Variants in PDE2A observed in about 807,000 individuals in gnomAD.
The protein encoded by PDE2A is cGMP-dependent 3',5'-cyclic phosphodiesterase.
In PDE2A, 53 loss-of-function variants were observed where a neutral mutation model predicts 133.6. The ratio of observed to expected loss-of-function variants is 0.40; its 90% CI spans 0.32 to 0.50. The LOEUF (loss-of-function observed/expected upper bound fraction) is 0.50, where lower values mean the gene tolerates loss of function less well. PDE2A is among the 20% of genes least tolerant of loss of function. The probability of loss-of-function intolerance (pLI) is 0.73; values close to 1 mark genes in which losing one functional copy is unlikely to be tolerated. For missense variants in PDE2A, 796 were observed against 1,232.4 expected (o/e 0.65, Z 5.30); for synonymous variants, 491 against 490.2 (o/e 1.00, Z -0.02).
In PDE2A at chr11:72,577,054, G is replaced by T. The variant is rs2135262463; in HGVS notation, c.*330C>A. Reference sequence around the variant, plus strand: ...GCAAAGATCTGGTGGGGCAGAAATGGGGCAAGGAGAAACCATCAAGCTGCT... The same window carrying T: ...GCAAAGATCTGGTGGGGCAGAAATGTGGCAAGGAGAAACCATCAAGCTGCT... On this transcript the variant is annotated 3_prime_UTR_variant, in exon 31 of 31. Coordinates refer to ENST00000334456, the MANE Select transcript of PDE2A (RefSeq NM_002599.5). 1 of 270,984 alleles carries T rather than the reference G, an allele frequency of 3.7e-6. No homozygotes were observed. The highest frequency in any genetic ancestry group is 7.0e-6 in the Non-Finnish European group (1 of 142,412). The allele number at this position is 270,984 out of a possible 1,614,324, so 16.8% of individuals were successfully genotyped here. A position where few individuals can be genotyped will look rare whatever the true frequency, so the allele number is the denominator to read the frequency against.
chr11:72,598,593 G>A, intron 4 of PDE2A: 1 of 1,289,052 alleles, frequency 7.8e-7, no homozygotes, highest in Non-Finnish European at 1.0e-6. Context: ...AATTGTGCTT[G>A]TAGGAACTGC....
At chr11:72,586,899 C>T (rs192550574) in intron 13 of PDE2A, among the ~76,000 whole-genome samples, 10 of 152,310 alleles carry the variant, frequency 6.6e-5, no homozygotes, top group African/African-American at 1.9e-4. Flanking sequence ...TTCATGCTTG[C>T]CATCCAGTGA....
chr11:72,622,698 G>A (rs1857840633), intron 2 of PDE2A, among the ~76,000 whole-genome samples: 2 of 152,216 alleles, frequency 1.3e-5, no homozygotes, highest in Non-Finnish European at 2.9e-5. Context: ...TGGAGACAGA[G>A]GAGGATGGGG....
intron 27 of PDE2A, 53 bp downstream of exon 27, chr11:72,579,231 C>A (rs566644153): frequency 1.4e-6 from 2 of 1,381,516 alleles, no homozygotes; most frequent in South Asian, 2.3e-5. Flanking sequence ...CTGGCAAATC[C>A]TTCCCCTGGT....
intron 11 of PDE2A, among the ~76,000 whole-genome samples, chr11:72,589,514 A>G (rs891478702): frequency 6.6e-6 from 1 of 152,230 alleles, no homozygotes; most frequent in Non-Finnish European, 1.5e-5. Context: ...ATACTCCAAC[A>G]GAAGTGAACA....
At chr11:72,614,838 G>A (rs1369477998) in intron 2 of PDE2A, among the ~76,000 whole-genome samples, 1 of 152,142 alleles carries the variant, frequency 6.6e-6, no homozygotes, top group Non-Finnish European at 1.5e-5. Context: ...AGAGGCTGGG[G>A]GTGGAAGGAC....
intron 1 of PDE2A, among the ~76,000 whole-genome samples, chr11:72,653,886 C>T (rs926586189): frequency 1.3e-5 from 2 of 152,224 alleles, no homozygotes; most frequent in Admixed American, 1.3e-4. Context: ...CTCAAGGGGA[C>T]AGGTCTTGCC....
At chr11:72,592,011 T>C (rs1370891715) in intron 6 of PDE2A, among the ~76,000 whole-genome samples, 1 of 152,164 alleles carries the variant, frequency 6.6e-6, no homozygotes, top group Non-Finnish European at 1.5e-5. Flanking sequence ...TCCCGTTCTC[T>C]GCCCACACCT....
At chr11:72,626,826 A>G (rs1024209532) in intron 2 of PDE2A, among the ~76,000 whole-genome samples, 1 of 152,120 alleles carries the variant, frequency 6.6e-6, no homozygotes, top group Non-Finnish European at 1.5e-5. Context: ...TCAGCCCAGC[A>G]CTCATGGGCA....
intron 1 of PDE2A, chr11:72,649,363 C>T (rs1854657915): frequency 6.6e-6 from 1 of 152,284 alleles, no homozygotes; most frequent in Non-Finnish European, 1.5e-5. Context: ...GTAGGACTTA[C>T]CCAGCTATAT....
chr11:72,595,388 C>T (rs1293411742), intron 6 of PDE2A, among the ~76,000 whole-genome samples: 3 of 152,096 alleles, frequency 2.0e-5, no homozygotes, highest in African/African-American at 4.8e-5. Flanking sequence ...CTGAGAACTC[C>T]GTGCAACAGC....
At chr11:72,585,940 G>T in intron 14 of PDE2A, 130 bp downstream of exon 14, 1 of 677,556 alleles carries the variant, frequency 1.5e-6, no homozygotes, top group Non-Finnish European at 2.7e-6. Flanking sequence ...CAAGTTATGA[G>T]GTTATGGAGC....
intron 2 of PDE2A, among the ~76,000 whole-genome samples, chr11:72,626,663 T>C (rs1858091022): frequency 6.6e-6 from 1 of 152,104 alleles, no homozygotes; most frequent in Non-Finnish European, 1.5e-5. Flanking sequence ...CACAAGCTGC[T>C]CCTTCCCCAG....
intron 20 of PDE2A, 87 bp downstream of exon 20, chr11:72,583,351 C>T: frequency 1.1e-6 from 1 of 941,158 alleles, no homozygotes; most frequent in Non-Finnish European, 1.7e-6. Context: ...TCCTCTCATC[C>T]TCAGTAGAGA....
chr11:72,627,273 C>G (rs534116644), intron 2 of PDE2A, among the ~76,000 whole-genome samples: 17 of 152,314 alleles, frequency 1.1e-4, no homozygotes, highest in African/African-American at 4.1e-4. Flanking sequence ...GTTTACAACC[C>G]CATGGGGAAG....
chr11:72,585,017 C>T, intron 16 of PDE2A, 73 bp from the exon 17 acceptor site: 1 of 1,466,892 alleles, frequency 6.8e-7, no homozygotes, highest in Non-Finnish European at 9.6e-7. Context: ...CATAAGGAGG[C>T]AAAGGCCGGA....
At chr11:72,588,401 T>C (rs1856076129) in intron 13 of PDE2A, among the ~76,000 whole-genome samples, 1 of 152,162 alleles carries the variant, frequency 6.6e-6, no homozygotes, top group South Asian at 2.1e-4. Context: ...CCACAGCTTT[T>C]CCCAGTCCCC....
intron 3 of PDE2A, among the ~76,000 whole-genome samples, chr11:72,606,623 G>A (rs931389599): frequency 6.6e-6 from 1 of 152,214 alleles, no homozygotes; most frequent in African/African-American, 2.4e-5. Context: ...GGGATGTTCA[G>A]GGATAAAGAA....
At chr11:72,583,660 A>T in intron 19 of PDE2A, 145 bp from the exon 20 acceptor site, 1 of 638,584 alleles carries the variant, frequency 1.6e-6, no homozygotes, top group South Asian at 1.8e-5. Context: ...TCCAGTCCAC[A>T]GTAAAGACCC....
Sources: allele counts gnomAD v4.1 joint callset (sites outside exome capture counted in the v4.1 genomes callset), GRCh38; gene constraint gnomAD v4.1.1; transcripts MANE v1.5; gene names NCBI Gene and HGNC (gene_info 2026-07-23, HGNC 2026-07-21).